The following ANKRD45 variants were observed in gnomAD, a reference collection of about 807,000 sequenced individuals.
The protein encoded by ANKRD45 is ankyrin repeat domain 45.
Under a neutral mutation model 28.1 loss-of-function variants are expected in ANKRD45, and 21 were observed. The observed-to-expected ratio is 0.75, with a 90% CI of 0.53 to 1.08. ANKRD45 has a LOEUF of 1.08. Ranked by LOEUF, ANKRD45 falls within the 50% of genes least tolerant of loss-of-function variation. The probability of loss-of-function intolerance (pLI) is 0.00; values close to 1 mark genes in which losing one functional copy is unlikely to be tolerated. For synonymous variants in ANKRD45, 86 were observed against 103.9 expected (o/e 0.83, Z 1.05); for missense variants, 261 against 308.7 (o/e 0.85, Z 1.16).
At chr1:173,705,088 G>C in the ANKRD45 span, among the ~76,000 whole-genome samples, 1 of 152,100 alleles carries the variant, frequency 6.6e-6, no homozygotes, top group African/African-American at 2.4e-5. Context: ...TTCAGTCAAA[G>C]TGCCTCCCAA....
chr1:173,676,369 A>T, the ANKRD45 span, among the ~76,000 whole-genome samples: 1 of 152,232 alleles, frequency 6.6e-6, no homozygotes, highest in Non-Finnish European at 1.5e-5. Flanking sequence ...AAAGCTGTAA[A>T]TAGCTTAAAA....
chr1:173,675,597 G>C, the ANKRD45 span, among the ~76,000 whole-genome samples: 2 of 152,166 alleles, frequency 1.3e-5, no homozygotes, highest in African/African-American at 4.8e-5. Context: ...CTGGGGAACA[G>C]AGGGAGACTC....
At chr1:173,650,213 G>A (rs567334211) in intron 2 of ANKRD45, among the ~76,000 whole-genome samples, 8 of 152,124 alleles carry the variant, frequency 5.3e-5, no homozygotes, top group Admixed American at 2.6e-4. Flanking sequence ...CCATTAACTC[G>A]TCATTTACAT....
intron 3 of ANKRD45, 86 bp downstream of exon 3, chr1:173,646,760 G>A (rs371681180): frequency 1.5e-6 from 2 of 1,351,906 alleles, no homozygotes; most frequent in South Asian, 2.8e-5. Context: ...ACAAAACACT[G>A]TGAAAAAAGG....
the ANKRD45 span, among the ~76,000 whole-genome samples, chr1:173,682,452 G>T: frequency 6.6e-6 from 1 of 152,010 alleles, no homozygotes; most frequent in Non-Finnish European, 1.5e-5. Context: ...GGAAAAACAG[G>T]TTTCTCCCCC....
intron 2 of ANKRD45, among the ~76,000 whole-genome samples, chr1:173,655,985 C>T (rs1669488963): frequency 6.6e-6 from 1 of 152,186 alleles, no homozygotes. Flanking sequence ...GCAGGAATGT[C>T]CCGTTTTTCC....
intron 3 of ANKRD45, among the ~76,000 whole-genome samples, chr1:173,642,679 T>A (rs1668752182): frequency 1.3e-5 from 2 of 152,240 alleles, no homozygotes; most frequent in Admixed American, 1.3e-4. Context: ...AAGCATGAGG[T>A]CATAGCCTGT....
At chr1:173,644,125 G>C (rs950635851) in intron 3 of ANKRD45, among the ~76,000 whole-genome samples, 1 of 152,056 alleles carries the variant, frequency 6.6e-6, no homozygotes, top group Non-Finnish European at 1.5e-5. Context: ...TCTAATAATG[G>C]AATTTTCAGT....
At chr1:173,700,852 C>T in the ANKRD45 span, among the ~76,000 whole-genome samples, 5 of 152,142 alleles carry the variant, frequency 3.3e-5, no homozygotes, top group African/African-American at 1.2e-4. Flanking sequence ...AGCTTCTGCA[C>T]AGCAAAAGAA....
intron 5 of ANKRD45, among the ~76,000 whole-genome samples, chr1:173,613,014 C>A (rs1439777113): frequency 6.6e-6 from 1 of 152,140 alleles, no homozygotes; most frequent in African/African-American, 2.4e-5. Flanking sequence ...GGCCGCCACC[C>A]CGTCTGGGAA....
At chr1:173,645,071 G>C (rs984350053) in intron 3 of ANKRD45, among the ~76,000 whole-genome samples, 2 of 151,944 alleles carry the variant, frequency 1.3e-5, no homozygotes, top group Non-Finnish European at 1.5e-5. Flanking sequence ...TGAATTATTT[G>C]CTATTTGTGT....
the ANKRD45 span, among the ~76,000 whole-genome samples, chr1:173,711,382 G>T: frequency 6.6e-6 from 1 of 152,336 alleles, no homozygotes; most frequent in South Asian, 2.1e-4. Context: ...TATGTAAGAT[G>T]AACTTTGGTT....
intron 2 of ANKRD45, among the ~76,000 whole-genome samples, chr1:173,650,056 A>T (rs1050160747): frequency 6.6e-6 from 1 of 152,208 alleles, no homozygotes; most frequent in African/African-American, 2.4e-5. Flanking sequence ...GTGGTCTTTC[A>T]TATAAATCAA....
intron 3 of ANKRD45, among the ~76,000 whole-genome samples, chr1:173,637,730 A>G (rs140072172): frequency 0.019 from 2,881 of 152,306 alleles, 85 homozygotes; most frequent in African/African-American, 0.066. Context: ...GACTGCTAGC[A>G]AGCAGCACCC....
chr1:173,703,469 G>C, the ANKRD45 span, among the ~76,000 whole-genome samples: 1 of 152,054 alleles, frequency 6.6e-6, no homozygotes, highest in Non-Finnish European at 1.5e-5. Context: ...GCCTCCCAAA[G>C]TGCTGGGCTT....
At chr1:173,628,597 G>A (rs1668046887) in intron 3 of ANKRD45, among the ~76,000 whole-genome samples, 1 of 152,130 alleles carries the variant, frequency 6.6e-6, no homozygotes, top group Admixed American at 6.5e-5. Flanking sequence ...TATGGCTCGG[G>A]TGCCAGCTCA....
intron 5 of ANKRD45, among the ~76,000 whole-genome samples, chr1:173,616,900 A>G (rs1479154401): frequency 6.6e-6 from 1 of 152,168 alleles, no homozygotes; most frequent in Non-Finnish European, 1.5e-5. Context: ...GAGTGGGGCA[A>G]TGGCCCACCC....
chr1:173,626,313 T>C (rs1172430689), intron 4 of ANKRD45, among the ~76,000 whole-genome samples: 1 of 152,230 alleles, frequency 6.6e-6, no homozygotes, highest in Non-Finnish European at 1.5e-5. Flanking sequence ...TTTTTAAATG[T>C]ACATTCAGAG....
intron 3 of ANKRD45, among the ~76,000 whole-genome samples, chr1:173,633,514 A>T (rs891417323): frequency 1.3e-5 from 2 of 152,080 alleles, no homozygotes; most frequent in Non-Finnish European, 1.5e-5. Flanking sequence ...TTATGGAACC[A>T]CAAAAGCCCC....
Sources: gnomAD v4.1 joint callset for allele counts (sites outside exome capture counted in the v4.1 genomes callset) on GRCh38, gnomAD v4.1.1 for gene constraint, MANE v1.5 for transcripts, NCBI Gene and HGNC (gene_info 2026-07-23, HGNC 2026-07-21) for gene names.